RUNDC1: variants seen among roughly 807,000 people sequenced by gnomAD.
RUNDC1 encodes the protein RUN domain-containing protein 1.
Under a neutral mutation model 49.3 loss-of-function variants are expected in RUNDC1, and 31 were observed. The ratio of observed to expected loss-of-function variants is 0.63; its 90% confidence interval spans 0.47 to 0.85. The LOEUF (loss-of-function observed/expected upper bound fraction) is 0.85. Ranked by LOEUF, RUNDC1 falls within the 40% of genes least tolerant of loss-of-function variation. RUNDC1 has a pLI of 0.00. For synonymous variants in RUNDC1, 347 were observed against 348.6 expected, an observed-to-expected ratio of 1.00 and a Z score of 0.05; for missense variants, 715 against 806.7, an observed-to-expected ratio of 0.89 and a Z score of 1.38.
At position 42,980,849 on chromosome 17, in the gene RUNDC1, C is replaced by T. The variant is rs1385431323; in HGVS notation, c.273C>T (p.Asp91=). ...RRLRAERRRL[D]SALLALSSHF... is the part of the protein sequence containing the mutation. The stretch of plus-strand genomic sequence containing the variant: ...TGCGGGCAGAGCGGCGGCGGCTGGA[C>T]TCGGCGCTGCTGGCGCTGTCCTCGC... The change falls in exon 1 of 5, where the codon GAC becomes GAT. Residue 91 remains aspartate (D), a synonymous_variant. Coordinates refer to ENST00000361677, the MANE Select transcript of RUNDC1 (RefSeq NM_173079.5). 3.6e-6 allele frequency: 5 copies of T among 1,406,124 alleles called. No homozygotes were observed. Among genetic ancestry groups the T allele is most frequent in the Non-Finnish European group, 3.7e-6 (4 of 1,089,730 alleles). The allele number at this position is 1,406,124 out of a possible 1,614,324, so 87.1% of individuals were successfully genotyped here. A position where few individuals can be genotyped will look rare whatever the true frequency, so the allele number is the denominator to read the frequency against.
At position 42,980,792 on chromosome 17, in the gene RUNDC1, G is replaced by C; in HGVS notation, c.216G>C (p.Pro72=). 1 of 1,402,248 alleles carries C rather than the reference G, an allele frequency of 7.1e-7. No homozygotes were observed. Among genetic ancestry groups the C allele is most frequent in the East Asian group, 3.0e-5 (1 of 33,030 alleles). The allele number at this position is 1,402,248 out of a possible 1,614,324, so 86.9% of individuals were successfully genotyped here. A position where few individuals can be genotyped will look rare whatever the true frequency, so the allele number is the denominator to read the frequency against. The part of the protein sequence containing the change: ...AEEPGAAPGS[P]PDSPGRTLRR... The stretch of plus-strand genomic sequence containing the variant: ...AGCCTGGCGCGGCCCCGGGCTCCCC[G>C]CCGGATTCGCCGGGCCGGACGCTGC... Residue 72 remains proline, a synonymous_variant, in exon 1 of 5, where the codon CCG becomes CCC. Transcript: ENST00000361677.
chr17:42,987,559 T>C (rs758817609), intron 2 of RUNDC1, 145 bp downstream of exon 2: 8 of 704,494 alleles, frequency 1.1e-5, no homozygotes, highest in Admixed American at 4.9e-5. Context: ...GAAATTTTAC[T>C]GCTATGAGGA....
At position 42,994,924 on chromosome 17, in the gene RUNDC1, G is replaced by T. The variant is rs150025473; in HGVS notation, c.*3208G>T. Among the ~76,000 whole-genome samples, 406 of 150,176 alleles carry T rather than the reference G, an allele frequency of 2.7e-3. 1 individual carries two copies. Among genetic ancestry groups the T allele is most frequent in the African/African-American group, 9.2e-3 (379 of 41,292 alleles). ...ATGCAGTGGAAATGTAGGGTGTGTT[G>T]TACAAGTATGATCTGCAAAGTATTG... On this transcript the variant is annotated 3_prime_UTR_variant, in exon 5 of 5. Coordinates refer to ENST00000361677, the MANE Select transcript of RUNDC1 (RefSeq NM_173079.5).
At chr17:42,986,624 A>G (rs2050175767) in intron 1 of RUNDC1, among the ~76,000 whole-genome samples, 1 of 151,944 alleles carries the variant, frequency 6.6e-6, no homozygotes, top group South Asian at 2.1e-4. Context: ...CAGCCTCCCA[A>G]GTAGCTGGGA....
intron 1 of RUNDC1, chr17:42,981,282 C>T: frequency 1.6e-6 from 1 of 618,696 alleles, no homozygotes; most frequent in South Asian, 2.1e-5. Flanking sequence ...GCGGTGTGCA[C>T]GGAGGATGTG....
rs1446503122 is a variant in RUNDC1 at position 42,993,070 on chromosome 17, G to A, written c.*1354G>A. 3 of 152,224 alleles carry A rather than the reference G, an allele frequency of 2.0e-5. No individual in the cohort carries two copies. The highest frequency in any genetic ancestry group is 7.2e-5 in the African/African-American group (3 of 41,460). 9.4% of individuals were successfully genotyped at this position (152,224 alleles called of 1,614,324 possible). A position where few individuals can be genotyped will look rare whatever the true frequency, so the allele number is the denominator to read the frequency against. The stretch of plus-strand genomic sequence containing the variant: ...ATACAGGAATACAAATCGGTAACCA[G>A]CAGCTGTTCCTCAGGTTGTGACTCA... On this transcript the variant is annotated 3_prime_UTR_variant, in exon 5 of 5. Coordinates refer to ENST00000361677, the MANE Select transcript of RUNDC1 (RefSeq NM_173079.5).
rs1409571057 is a variant in RUNDC1 at position 42,982,117 on chromosome 17, C to G, written c.498+1043C>G. 2.0e-5 allele frequency: 3 copies of G among 151,006 alleles called. No individual in the cohort carries two copies. In the Admixed American group the frequency reaches 2.0e-4, roughly 10 times the overall value. 9.4% of individuals were successfully genotyped at this position (151,006 alleles called of 1,614,324 possible). A position where few individuals can be genotyped will look rare whatever the true frequency, so the allele number is the denominator to read the frequency against. ...CCTCCTGCCTCAGCTTCCCCAGTAT[C>G]TGGGACTACAGGTGTGTGCCACCAC... On this transcript the variant is annotated intron_variant, in intron 1 of 4. Transcript: ENST00000361677.
intron 1 of RUNDC1, chr17:42,981,291 T>A: frequency 1.7e-6 from 1 of 586,706 alleles, no homozygotes; most frequent in Non-Finnish European, 2.9e-6. Context: ...ACGGAGGATG[T>A]GGAGAGATGT....
Position 42,990,432 on chromosome 17 carries a change from C to T in RUNDC1, c.972C>T (p.Ser324=). 12 of 1,613,620 alleles carry T rather than the reference C, an allele frequency of 7.4e-6. No individual in the cohort carries two copies. The highest frequency in any genetic ancestry group is 1.0e-5 in the Non-Finnish European group (12 of 1,179,942). The change falls in exon 4 of 5, where the codon AGC becomes AGT. Residue 324 remains serine (S), a synonymous_variant. Coordinates refer to ENST00000361677, the MANE Select transcript of RUNDC1 (RefSeq NM_173079.5). ...TGSSRTPPGN[S]KTKAEDVKKV... ...GCAGCAGAACGCCTCCAGGAAACAG[C>T]AAAAGTAAGTGCAGTTTCCAGAACA...
At chr17:42,981,194 G>A (rs1365132529) in intron 1 of RUNDC1, 120 bp downstream of exon 1, 4 of 1,289,444 alleles carry the variant, frequency 3.1e-6, no homozygotes, top group South Asian at 3.0e-5. Flanking sequence ...CGGTGAGTAC[G>A]TGTGTCGGAG....
intron 1 of RUNDC1, among the ~76,000 whole-genome samples, chr17:42,982,346 T>C (rs865943197): frequency 6.6e-5 from 10 of 152,150 alleles, no homozygotes; most frequent in African/African-American, 2.2e-4. Context: ...CCCACTTACA[T>C]TGGTTTTAGC....
rs777439485 is a variant in RUNDC1, at chr17:42,980,728, C to T, written c.152C>T (p.Pro51Leu). The change falls in exon 1 of 5, where the codon CCT becomes CTT. Residue 51 changes from proline to leucine, a missense_variant. This residue lies in a region of RUNDC1 where 153 missense variants were observed against 139.4 expected (regional missense o/e 1.10). Coordinates refer to ENST00000361677, the MANE Select transcript of RUNDC1 (RefSeq NM_173079.5). Reference protein sequence around the residue: ...APVGAVAEARPGATAFLEEAT... With the variant: ...APVGAVAEARLGATAFLEEAT... ...GTGGGGGCGGTGGCGGAGGCCCGGC[C>T]TGGGGCAACCGCGTTTTTAGAAGAG... 5.0e-5 allele frequency: 76 copies of T among 1,535,232 alleles called. No individual in the cohort carries two copies. In the African/African-American group the frequency reaches 9.2e-4, roughly 19 times the overall value.
At position 42,990,322 on chromosome 17, in the gene RUNDC1, G is replaced by A. The variant is rs146074807; in HGVS notation, c.862G>A (p.Val288Met). 381 of 1,613,502 alleles carry A rather than the reference G, an allele frequency of 2.4e-4. No individual in the cohort carries two copies. Among genetic ancestry groups the A allele is most frequent in the Non-Finnish European group, 2.9e-4 (345 of 1,179,900 alleles). ...TCTATAATTTCTGATTCCAGATGAA[G>A]TGGGAAGCCCCTTGCAGACAGGTGG... ...EMFINFIQDEVGSPLQTGGGH... is the reference protein window; with the variant it reads ...EMFINFIQDEMGSPLQTGGGH... Residue 288 changes from valine to methionine, a missense_variant, in exon 4 of 5, where the codon GTG becomes ATG. Val to Met is a conservative substitution (Grantham distance 21). Transcript: ENST00000361677.
Position 42,991,755 on chromosome 17 carries a change from A to G in RUNDC1, c.*39A>G, listed in dbSNP as rs764924991. 7 of 1,574,984 alleles carry G rather than the reference A, an allele frequency of 4.4e-6. No individual in the cohort carries two copies. Among genetic ancestry groups the G allele is most frequent in the Non-Finnish European group, 6.0e-6 (7 of 1,161,712 alleles). ...ACCCCAGACAAGCTCCTTGTTCAGT[A>G]GGGATAGATGTGCTAGTCTTCTAGC... On this transcript the variant is annotated 3_prime_UTR_variant, in exon 5 of 5. Transcript: ENST00000361677.
intron 1 of RUNDC1, among the ~76,000 whole-genome samples, chr17:42,986,171 T>TA (rs397761900): frequency 6.6e-6 from 1 of 151,834 alleles, no homozygotes; most frequent in Non-Finnish European, 1.5e-5. Context: ...ATTTTTTTTT[T>TA]CTTTGAGACA....
Position 42,990,300 on chromosome 17 carries a change from A to C in RUNDC1, c.857-17A>C. On this transcript the variant is annotated splice_polypyrimidine_tract_variant and intron_variant, in intron 3 of 4. Coordinates refer to ENST00000361677, the MANE Select transcript of RUNDC1 (RefSeq NM_173079.5). Reference sequence around the variant, plus strand: ...AAAGGGCTAAATAAGTGTCTCTTCTATAATTTCTGATTCCAGATGAAGTGG... The same window carrying C: ...AAAGGGCTAAATAAGTGTCTCTTCTCTAATTTCTGATTCCAGATGAAGTGG... 1 of 1,613,290 alleles carries C rather than the reference A, an allele frequency of 6.2e-7. No homozygotes were observed. Among genetic ancestry groups the C allele is most frequent in the Non-Finnish European group, 8.5e-7 (1 of 1,179,706 alleles).
At chr17:42,981,630 A>G (rs2050090314) in intron 1 of RUNDC1, 1 of 152,342 alleles carries the variant, frequency 6.6e-6, no homozygotes, top group African/African-American at 2.4e-5. Flanking sequence ...TTGATTAGAT[A>G]AATTTCCTAA....
Position 42,991,929 on chromosome 17 carries a change from G to T in RUNDC1, c.*213G>T, listed in dbSNP as rs1362301070. On this transcript the variant is annotated 3_prime_UTR_variant, in exon 5 of 5. Coordinates refer to ENST00000361677, the MANE Select transcript of RUNDC1 (RefSeq NM_173079.5). ...GGGACCCTCTTGTTAAGAAGGTTCT[G>T]CCAGGCCGGGCGCGGTGGCTCACAC... 1.7e-6 allele frequency: 1 copy of T among 572,336 alleles called. No homozygotes were observed. The allele number at this position is 572,336 out of a possible 1,614,324, so 35.5% of individuals were successfully genotyped here.
chr17:42,986,877 C>T (rs1046707335), intron 1 of RUNDC1, among the ~76,000 whole-genome samples: 1 of 152,098 alleles, frequency 6.6e-6, no homozygotes, highest in Non-Finnish European at 1.5e-5. Context: ...ACAGAGTAAT[C>T]AGGAGTTGTG....
Sources: allele counts gnomAD v4.1 joint callset (sites outside exome capture counted in the v4.1 genomes callset), GRCh38; gene constraint gnomAD v4.1.1; regional missense constraint gnomAD v4.1.1; transcripts MANE v1.5; gene names NCBI Gene and HGNC (gene_info 2026-07-23, HGNC 2026-07-21).